RALYL: variants seen among roughly 807,000 people sequenced by gnomAD.
RALYL encodes the protein RNA-binding Raly-like protein.
RALYL carries 29 observed loss-of-function variants against 35.1 expected under a neutral mutation model. That is an observed-to-expected ratio of 0.83 (90% CI 0.61 to 1.13). RALYL has a LOEUF of 1.13. Ranked by LOEUF, RALYL falls within the 50% of genes most tolerant of loss-of-function variation. RALYL has a pLI of 0.00. For synonymous variants in RALYL, 120 were observed against 127.6 expected, an observed-to-expected ratio of 0.94 and a Z score of 0.40; for missense variants, 359 against 360.4, an observed-to-expected ratio of 1.00 and a Z score of 0.03.
At chr8:84,859,329 T>C (rs1837659768) in intron 5 of RALYL, among the ~76,000 whole-genome samples, 1 of 152,152 alleles carries the variant, frequency 6.6e-6, no homozygotes, top group South Asian at 2.1e-4. Context: ...TCTGGTCCTT[T>C]TGTTACTTGG....
intron 8 of RALYL, among the ~76,000 whole-genome samples, chr8:84,917,790 C>T (rs1251063311): frequency 6.6e-6 from 1 of 151,750 alleles, no homozygotes; most frequent in Non-Finnish European, 1.5e-5. Flanking sequence ...TTATTTGAGC[C>T]TAAAAATGTA....
chr8:84,457,239 A>G (rs2050234284), intron 1 of RALYL, among the ~76,000 whole-genome samples: 2 of 152,016 alleles, frequency 1.3e-5, no homozygotes, highest in Admixed American at 1.3e-4. Context: ...ATGATGTACC[A>G]TAACTCATAG....
At chr8:84,339,176 G>A (rs1453246969) in intron 1 of RALYL, among the ~76,000 whole-genome samples, 1 of 151,854 alleles carries the variant, frequency 6.6e-6, no homozygotes, top group Non-Finnish European at 1.5e-5. Flanking sequence ...GCATAAATTG[G>A]AACCACCAAG....
intron 1 of RALYL, among the ~76,000 whole-genome samples, chr8:84,461,742 T>G (rs1296625466): frequency 2.0e-5 from 3 of 151,768 alleles, no homozygotes; most frequent in South Asian, 2.1e-4. Context: ...GGGATTCGAT[T>G]TTTTGAAATA....
chr8:84,381,291 G>A (rs1857943664), intron 1 of RALYL, among the ~76,000 whole-genome samples: 1 of 151,794 alleles, frequency 6.6e-6, no homozygotes, highest in African/African-American at 2.4e-5. Context: ...AAGACTCTGT[G>A]AATTGTGTAT....
intron 2 of RALYL, among the ~76,000 whole-genome samples, chr8:84,633,600 TAGTAAC>T (rs1358509105): frequency 2.6e-5 from 4 of 151,914 alleles, no homozygotes; most frequent in Middle Eastern, 3.4e-3. Context: ...AGCAACAAAA[TAGTAAC>T]AGTAACAACA....
intron 2 of RALYL, among the ~76,000 whole-genome samples, chr8:84,539,119 C>T (rs1019883536): frequency 1.3e-5 from 2 of 152,138 alleles, no homozygotes; most frequent in African/African-American, 2.4e-5. Context: ...TCAGGACTCA[C>T]GATTCCTATG....
At chr8:84,615,379 C>A (rs1247320038) in intron 2 of RALYL, among the ~76,000 whole-genome samples, 2 of 150,316 alleles carry the variant, frequency 1.3e-5, no homozygotes, top group Admixed American at 6.6e-5. Context: ...GTAGCATGGG[C>A]ATCTGCATAC....
At chr8:84,300,566 T>C (rs1840580971) in intron 1 of RALYL, among the ~76,000 whole-genome samples, 1 of 151,948 alleles carries the variant, frequency 6.6e-6, no homozygotes, top group Non-Finnish European at 1.5e-5. Context: ...TATTGTGGGG[T>C]TATCTATGTC....
chr8:84,423,293 C>G (rs1487285742), intron 1 of RALYL, among the ~76,000 whole-genome samples: 1 of 151,142 alleles, frequency 6.6e-6, no homozygotes, highest in Non-Finnish European at 1.5e-5. Flanking sequence ...GATCCCTTTA[C>G]CATTATGTAA....
intron 1 of RALYL, among the ~76,000 whole-genome samples, chr8:84,437,174 C>G (rs2047828050): frequency 6.6e-6 from 1 of 152,218 alleles, no homozygotes; most frequent in Non-Finnish European, 1.5e-5. Flanking sequence ...CCAGCTGCAT[C>G]CATGTTGCTG....
At chr8:84,409,990 A>G (rs2043940408) in intron 1 of RALYL, among the ~76,000 whole-genome samples, 1 of 151,944 alleles carries the variant, frequency 6.6e-6, no homozygotes, top group Non-Finnish European at 1.5e-5. Flanking sequence ...AGAATCTTAA[A>G]ATCTTCTATT....
intron 2 of RALYL, among the ~76,000 whole-genome samples, chr8:84,741,778 T>G (rs991766842): frequency 1.3e-5 from 2 of 151,976 alleles, no homozygotes; most frequent in African/African-American, 2.4e-5. Context: ...TGCTCCAGAG[T>G]GTATAAACCT....
intron 2 of RALYL, among the ~76,000 whole-genome samples, chr8:84,555,251 C>T (rs373263123): frequency 5.9e-5 from 9 of 152,054 alleles, no homozygotes; most frequent in Non-Finnish European, 1.3e-4. Flanking sequence ...TGCACTCCAA[C>T]GTGGCAACAG....
intron 1 of RALYL, among the ~76,000 whole-genome samples, chr8:84,382,009 T>TATTTGATCCCTCCA (rs1163930113): frequency 1.3e-5 from 2 of 151,766 alleles, no homozygotes; most frequent in East Asian, 3.9e-4. Context: ...CTAATATAGT[T>TATTTGATCCCTCCA]ATTTGATCCC....
intron 1 of RALYL, among the ~76,000 whole-genome samples, chr8:84,457,020 T>C (rs1423124647): frequency 6.6e-6 from 1 of 151,976 alleles, no homozygotes; most frequent in Non-Finnish European, 1.5e-5. Flanking sequence ...AAAGAATCTC[T>C]ATTGTATTTT....
At chr8:84,361,619 G>A (rs148142068) in intron 1 of RALYL, among the ~76,000 whole-genome samples, 24 of 152,146 alleles carry the variant, frequency 1.6e-4, no homozygotes, top group South Asian at 4.2e-4. Flanking sequence ...GTAATTCTTC[G>A]CCAGGTTTAA....
intron 4 of RALYL, among the ~76,000 whole-genome samples, chr8:84,819,983 CA>C (rs1360448368): frequency 6.6e-6 from 1 of 151,604 alleles, no homozygotes; most frequent in Admixed American, 6.6e-5. Context: ...AACCCTGCCC[CA>C]AAAAAATTTT....
At chr8:84,200,774 C>G (rs367977401) in intron 1 of RALYL, among the ~76,000 whole-genome samples, 9 of 152,216 alleles carry the variant, frequency 5.9e-5, no homozygotes, top group African/African-American at 2.2e-4. Flanking sequence ...TGCATTCCTA[C>G]TTTTAATGGG....
Sources: allele counts gnomAD v4.1 joint callset (sites outside exome capture counted in the v4.1 genomes callset), GRCh38; gene constraint gnomAD v4.1.1; transcripts MANE v1.5; gene names NCBI Gene and HGNC (gene_info 2026-07-23, HGNC 2026-07-21).